Variants in EVA1A observed in about 807,000 individuals in gnomAD.
EVA1A encodes the protein protein eva-1 homolog A.
EVA1A carries 7 observed loss-of-function variants against 9.8 expected under a neutral mutation model. That is an observed-to-expected ratio of 0.71 (90% CI 0.41 to 1.34). EVA1A has a LOEUF of 1.34. Among genes scored for constraint, EVA1A ranks in the 40% most tolerant of loss-of-function variants. The probability of loss-of-function intolerance (pLI) is 0.01; values close to 1 mark genes in which losing one functional copy is unlikely to be tolerated. For missense variants in EVA1A, 206 were observed against 205.9 expected (o/e 1.00, Z 0.00); for synonymous variants, 90 against 85.6 (o/e 1.05, Z -0.28).
At chr2:75,517,278 A>G (rs1675045384) in intron 3 of EVA1A, among the ~76,000 whole-genome samples, 1 of 152,168 alleles carries the variant, frequency 6.6e-6, no homozygotes, top group African/African-American at 2.4e-5. Context: ...CCCAAAGGAA[A>G]TCCAATTGAA....
intron 3 of EVA1A, among the ~76,000 whole-genome samples, chr2:75,506,475 G>A (rs1461399924): frequency 6.6e-6 from 1 of 152,170 alleles, no homozygotes; most frequent in East Asian, 1.9e-4. Flanking sequence ...CCCCTCCTTA[G>A]GGGTGGTACT....
chr2:75,504,792 G>T (rs1428084939), intron 3 of EVA1A, among the ~76,000 whole-genome samples: 1 of 149,368 alleles, frequency 6.7e-6, no homozygotes, highest in Non-Finnish European at 1.5e-5. Flanking sequence ...CACAGGGCTT[G>T]TCGGGGGGTG....
intron 1 of EVA1A, among the ~76,000 whole-genome samples, chr2:75,567,071 T>C (rs1677042445): frequency 6.6e-6 from 1 of 152,172 alleles, no homozygotes; most frequent in Non-Finnish European, 1.5e-5. Flanking sequence ...GAGAAAATGC[T>C]AATAGTTGTT....
chr2:75,516,874 T>G (rs1675024702), intron 3 of EVA1A, among the ~76,000 whole-genome samples: 1 of 152,200 alleles, frequency 6.6e-6, no homozygotes, highest in Admixed American at 6.5e-5. Context: ...CTCTCCAATG[T>G]TGCCTTGAAG....
chr2:75,514,556 C>T (rs1674937172), intron 3 of EVA1A, among the ~76,000 whole-genome samples: 1 of 151,698 alleles, frequency 6.6e-6, no homozygotes, highest in Non-Finnish European at 1.5e-5. Flanking sequence ...TACAGTTAAG[C>T]AAAAGAAAAT....
chr2:75,496,394 C>T (rs769295938), intron 3 of EVA1A, among the ~76,000 whole-genome samples: 57 of 152,108 alleles, frequency 3.7e-4, no homozygotes, highest in Non-Finnish European at 6.0e-4. Context: ...CAACAATGTC[C>T]AAGCTGAGAG....
At position 75,553,522 on chromosome 2, in the gene EVA1A, T is replaced by A. The variant is rs115524002; in HGVS notation, c.-192+7158A>T. ...TTGGGCACAAAGAGTATCTTGTTCA[T>A]CCCTGTTTCCAGAGCCTGGAACTGT... On this transcript the variant is annotated intron_variant, in intron 1 of 3. Transcript: ENST00000393913. Among the ~76,000 whole-genome samples, 152 of 152,322 alleles carry A rather than the reference T, an allele frequency of 1.0e-3. 2 individuals carry two copies. The highest frequency in any genetic ancestry group is 3.5e-3 in the African/African-American group (146 of 41,566).
At chr2:75,559,706 GGC>G (rs1676850995) in intron 1 of EVA1A, among the ~76,000 whole-genome samples, 1 of 131,218 alleles carries the variant, frequency 7.6e-6, no homozygotes, top group African/African-American at 2.8e-5. Context: ...GTGGGGGGGG[GGC>G]GGGGGAGTTG....
rs541593746 is a variant in EVA1A at position 75,494,461 on chromosome 2, C to G, written c.86-852G>C. Among the ~76,000 whole-genome samples the G allele has an allele frequency of 2.6e-5, 4 of 152,320 alleles. No homozygotes were observed. The East Asian group carries it at 5.8e-4, about 22-fold the overall frequency. On this transcript the variant is annotated intron_variant, in intron 3 of 3. Transcript: ENST00000393913. ...TCTTGTTCTCTTACTCTCTCCTTCT[C>G]TGGGGCTCTTCTTACTTGCTGGTTC...
intron 1 of EVA1A, among the ~76,000 whole-genome samples, chr2:75,539,845 T>C (rs1676047010): frequency 6.6e-6 from 1 of 152,182 alleles, no homozygotes; most frequent in Non-Finnish European, 1.5e-5. Context: ...AATCAGATAT[T>C]AGCAATAGTA....
chr2:75,504,699 C>T (rs1448123703), intron 3 of EVA1A, among the ~76,000 whole-genome samples: 1 of 148,806 alleles, frequency 6.7e-6, no homozygotes, highest in Non-Finnish European at 1.5e-5. Flanking sequence ...CAAACTAACA[C>T]AGGAACAGAA....
At chr2:75,519,996 CA>C (rs1675179502) in intron 2 of EVA1A, among the ~76,000 whole-genome samples, 1 of 152,146 alleles carries the variant, frequency 6.6e-6, no homozygotes, top group South Asian at 2.1e-4. Context: ...CTCCACAACC[CA>C]ACTCTAATGA....
At chr2:75,495,048 A>G (rs1028190182) in intron 3 of EVA1A, among the ~76,000 whole-genome samples, 1 of 152,086 alleles carries the variant, frequency 6.6e-6, no homozygotes. Context: ...GGCCTTGAGT[A>G]CACCGTACCC....
At chr2:75,510,325 T>G (rs915912311) in intron 3 of EVA1A, among the ~76,000 whole-genome samples, 1 of 152,220 alleles carries the variant, frequency 6.6e-6, no homozygotes, top group African/African-American at 2.4e-5. Flanking sequence ...CTTATATTCA[T>G]TCTATAAACA....
intron 1 of EVA1A, among the ~76,000 whole-genome samples, chr2:75,549,861 G>C (rs1459905217): frequency 6.6e-6 from 1 of 152,170 alleles, no homozygotes; most frequent in African/African-American, 2.4e-5. Flanking sequence ...TTTCCAAGAA[G>C]AGCAAAGATG....
At chr2:75,518,284 T>A in intron 2 of EVA1A, 76 bp from the exon 3 acceptor site, 2 of 1,395,888 alleles carry the variant, frequency 1.4e-6, no homozygotes, top group Non-Finnish European at 9.5e-7. Context: ...CCTGGACTCC[T>A]AAAGACATAT....
intron 1 of EVA1A, among the ~76,000 whole-genome samples, chr2:75,536,266 C>G (rs986565576): frequency 6.6e-6 from 1 of 151,984 alleles, no homozygotes; most frequent in Non-Finnish European, 1.5e-5. Context: ...GCCCAGGTGG[C>G]AGAAGTTGCA....
chr2:75,510,353 A>G (rs1373381428), intron 3 of EVA1A, among the ~76,000 whole-genome samples: 1 of 152,220 alleles, frequency 6.6e-6, no homozygotes, highest in Non-Finnish European at 1.5e-5. Flanking sequence ...CAAGTCTCCA[A>G]TGCCTTGGGC....
At chr2:75,563,098 G>T (rs757969307), upstream of EVA1A, among the ~76,000 whole-genome samples, 1 of 152,204 alleles carries the variant, frequency 6.6e-6, no homozygotes, top group Admixed American at 6.5e-5. Flanking sequence ...CTTAGTACGT[G>T]CCAGTCACTG....
Sources: gnomAD v4.1 joint callset for allele counts (sites outside exome capture counted in the v4.1 genomes callset) on GRCh38, gnomAD v4.1.1 for gene constraint, MANE v1.5 for transcripts, NCBI Gene and HGNC (gene_info 2026-07-23, HGNC 2026-07-21) for gene names.